WHAMM: variants seen among roughly 807,000 people sequenced by gnomAD.
The protein encoded by WHAMM is WASP homolog associated with actin, golgi membranes and microtubules.
Under a neutral mutation model 76.5 loss-of-function variants are expected in WHAMM, and 67 were observed. That is an observed-to-expected ratio of 0.88 (90% CI 0.72 to 1.07). The LOEUF is 1.07. Among genes scored for constraint, WHAMM ranks in the 50% least tolerant of loss-of-function variants. WHAMM has a pLI of 0.00. For missense variants in WHAMM, 1,021 were observed against 1,051.1 expected, an observed-to-expected ratio of 0.97 and a Z score of 0.40; for synonymous variants, 419 against 422.1, an observed-to-expected ratio of 0.99 and a Z score of 0.09.
intron 5 of WHAMM, among the ~76,000 whole-genome samples, chr15:82,820,972 C>G (rs1408940733): frequency 6.6e-6 from 1 of 151,260 alleles, no homozygotes; most frequent in African/African-American, 2.4e-5. Context: ...TTCCCAGACT[C>G]ATGCCATTCT....
chr15:82,820,291 A>C (rs545618805), intron 5 of WHAMM, among the ~76,000 whole-genome samples: 3 of 152,192 alleles, frequency 2.0e-5, no homozygotes, highest in Non-Finnish European at 4.4e-5. Context: ...TCAGTGAATA[A>C]TAAAAGTATC....
At position 82,810,278 on chromosome 15, in the gene WHAMM, G is replaced by C. The variant is rs1408976253; in HGVS notation, c.552G>C (p.Glu184Asp). Reference sequence around the variant, plus strand: ...CGGCCGACTGCGAAAGCCCGCGCGAGTTCCGGGAGCGGGCCTTGCGCGCGC... The same window carrying C: ...CGGCCGACTGCGAAAGCCCGCGCGACTTCCGGGAGCGGGCCTTGCGCGCGC... Reference protein sequence around the residue: ...GGAADCESPREFRERALRARW... With the variant: ...GGAADCESPRDFRERALRARW... The change falls in exon 1 of 10, where the codon GAG becomes GAC. Residue 184 changes from glutamate (E) to aspartate (D), a missense_variant. By Grantham distance (45) the Glu-to-Asp change is conservative. This residue lies in a region of WHAMM where 501 missense variants were observed against 524.9 expected (regional missense o/e 0.95). Coordinates refer to ENST00000286760, the MANE Select transcript of WHAMM (RefSeq NM_001080435.3). 1 of 1,372,636 alleles carries C rather than the reference G, an allele frequency of 7.3e-7. No individual in the cohort carries two copies. The highest frequency in any genetic ancestry group is 1.7e-5 in the South Asian group (1 of 60,158). The allele number at this position is 1,372,636 out of a possible 1,614,324, so 85.0% of individuals were successfully genotyped here.
Position 82,833,602 on chromosome 15 carries a change from C to A in WHAMM, c.*66C>A, listed in dbSNP as rs144146613. ...TAAAGTGGGTGAGTCTTAGACCTAT[C>A]GAAAAGCATACTAACAGGGTGCTGA... On this transcript the variant is annotated 3_prime_UTR_variant, in exon 10 of 10. Transcript: ENST00000286760. The A allele has an allele frequency of 6.5e-7, 1 of 1,527,820 alleles. No individual in the cohort carries two copies. Among genetic ancestry groups the A allele is most frequent in the Non-Finnish European group, 8.8e-7 (1 of 1,132,790 alleles). The allele number at this position is 1,527,820 out of a possible 1,614,324, so 94.6% of individuals were successfully genotyped here.
intron 8 of WHAMM, among the ~76,000 whole-genome samples, chr15:82,829,037 TAGG>T (rs571952615): frequency 1.3e-5 from 2 of 152,010 alleles, no homozygotes; most frequent in Non-Finnish European, 2.9e-5. Flanking sequence ...AGGGAGGAAG[TAGG>T]AGAGGGAGAA....
rs368856304 is a variant in WHAMM at position 82,826,776 on chromosome 15, A to G, written c.1571A>G (p.Glu524Gly). The G allele has an allele frequency of 1.3e-6, 2 of 1,548,594 alleles. No individual in the cohort carries two copies. Residue 524 changes from glutamate to glycine, a missense_variant, in exon 8 of 10, where the codon GAG becomes GGG. Glu to Gly is a moderately conservative substitution (Grantham distance 98). Transcript: ENST00000286760. ...QMKRDKIKEEEQKKKEWINQE... is the reference protein window; with the variant it reads ...QMKRDKIKEEGQKKKEWINQE... ...AAAAGAGACAAGATAAAAGAAGAGG[A>G]GCAAAAGAAAAAAGAATGGATCAAC...
intron 5 of WHAMM, among the ~76,000 whole-genome samples, chr15:82,821,600 C>T (rs1364950987): frequency 6.6e-6 from 1 of 152,168 alleles, no homozygotes; most frequent in Non-Finnish European, 1.5e-5. Context: ...GGCTCCATAC[C>T]GTTCCCATGA....
At chr15:82,826,882 T>C in intron 8 of WHAMM, 36 bp downstream of exon 8, 1 of 1,520,028 alleles carries the variant, frequency 6.6e-7, no homozygotes, top group Non-Finnish European at 8.8e-7. Flanking sequence ...TCTACACTTC[T>C]GGGGAAATAA....
At position 82,830,888 on chromosome 15, in the gene WHAMM, C is replaced by G. The variant is rs2051017953; in HGVS notation, c.1931C>G (p.Pro644Arg). Residue 644 changes from proline (P) to arginine (R), a missense_variant, in exon 9 of 10, where the codon CCT becomes CGT. Coordinates refer to ENST00000286760, the MANE Select transcript of WHAMM (RefSeq NM_001080435.3). ...EELSLPPPPP[P>R]PPPPPPPPPP... ...TTGTCACTGCCACCACCTCCTCCTC[C>G]TCCACCACCACCACCGCCGCCACCG... The G allele has an allele frequency of 6.3e-7, 1 of 1,583,510 alleles. No individual in the cohort carries two copies. The highest frequency in any genetic ancestry group is 8.6e-7 in the Non-Finnish European group (1 of 1,164,684).
intron 3 of WHAMM, 113 bp from the exon 4 acceptor site, chr15:82,817,807 T>C (rs1442330850): frequency 6.0e-6 from 5 of 837,942 alleles, no homozygotes; most frequent in Middle Eastern, 4.1e-4. Context: ...AAAATTTCTT[T>C]TAAAAAGGAT....
At chr15:82,819,739 A>G (rs2050787553) in intron 5 of WHAMM, among the ~76,000 whole-genome samples, 1 of 152,270 alleles carries the variant, frequency 6.6e-6, no homozygotes, top group Admixed American at 6.5e-5. Flanking sequence ...CACGCCTATA[A>G]TCCCAGCACT....
chr15:82,826,652 G>A, intron 7 of WHAMM, 99 bp from the exon 8 acceptor site: 2 of 1,543,202 alleles, frequency 1.3e-6, no homozygotes, highest in Non-Finnish European at 1.7e-6. Flanking sequence ...TGGTAATGTT[G>A]GGGTACAGCC....
chr15:82,825,742 C>A (rs1234449594), intron 6 of WHAMM, among the ~76,000 whole-genome samples: 1 of 150,990 alleles, frequency 6.6e-6, no homozygotes, highest in Non-Finnish European at 1.5e-5. Flanking sequence ...GAGCCGAGAT[C>A]ACGCCACTGC....
At chr15:82,817,553 A>C (rs946663214) in intron 3 of WHAMM, among the ~76,000 whole-genome samples, 2 of 152,154 alleles carry the variant, frequency 1.3e-5, no homozygotes, top group African/African-American at 4.8e-5. Context: ...AGAGTTTCTG[A>C]TACATTGTGC....
chr15:82,817,363 A>G (rs543265285), intron 3 of WHAMM, among the ~76,000 whole-genome samples: 1 of 152,318 alleles, frequency 6.6e-6, no homozygotes, highest in East Asian at 1.9e-4. Context: ...CAGGGGTCAG[A>G]CCATGCAGGG....
intron 1 of WHAMM, among the ~76,000 whole-genome samples, chr15:82,812,331 C>G (rs1320253178): frequency 6.6e-6 from 1 of 152,198 alleles, no homozygotes; most frequent in African/African-American, 2.4e-5. Flanking sequence ...CGGGTTCATG[C>G]TATTCTCCTG....
intron 6 of WHAMM, 71 bp from the exon 7 acceptor site, chr15:82,826,339 T>A: frequency 1.3e-6 from 2 of 1,543,766 alleles, no homozygotes; most frequent in Non-Finnish European, 1.8e-6. Context: ...CAGTGCTTTT[T>A]TCTTTTAATC....
chr15:82,829,076 A>G (rs1228438056), intron 8 of WHAMM, among the ~76,000 whole-genome samples: 1 of 152,248 alleles, frequency 6.6e-6, no homozygotes, highest in Non-Finnish European at 1.5e-5. Context: ...CATGTGATGC[A>G]TGATATCTAT....
rs926254515 is a variant in WHAMM at position 82,835,708 on chromosome 15, C to T, written c.*2172C>T. ...TGCACTGGCCCCTGTACCTGCCGCT[C>T]CCACCCAGGTTCCCAGGGGTGTTCC... On this transcript the variant is annotated 3_prime_UTR_variant, in exon 10 of 10. Transcript: ENST00000286760. 3 of 152,408 alleles carry T rather than the reference C, an allele frequency of 2.0e-5. No homozygotes were observed. The highest frequency in any genetic ancestry group is 7.2e-5 in the African/African-American group (3 of 41,476). The allele number at this position is 152,408 out of a possible 1,614,324, so 9.4% of individuals were successfully genotyped here.
intron 6 of WHAMM, among the ~76,000 whole-genome samples, chr15:82,826,185 T>C (rs2050929183): frequency 6.6e-6 from 1 of 152,116 alleles, no homozygotes; most frequent in Admixed American, 6.6e-5. Flanking sequence ...GGCGGATTGT[T>C]TTTCATCTCT....
Sources: gnomAD v4.1 joint callset for allele counts (sites outside exome capture counted in the v4.1 genomes callset) on GRCh38, gnomAD v4.1.1 for gene constraint, gnomAD v4.1.1 regional missense constraint, MANE v1.5 for transcripts, NCBI Gene and HGNC (gene_info 2026-07-23, HGNC 2026-07-21) for gene names.